The following INVS variants were observed in gnomAD, a reference collection of about 807,000 sequenced individuals.
INVS encodes inversion of embryo turning homolog.
In INVS, 86 loss-of-function variants were observed where a neutral mutation model predicts 108.8. That is an observed-to-expected ratio of 0.79 (90% CI 0.66 to 0.95). The LOEUF is 0.95. INVS is among the 40% of genes least tolerant of loss of function. The pLI is 0.00. For synonymous variants in INVS, 455 were observed against 473.5 expected, an observed-to-expected ratio of 0.96 and a Z score of 0.51; for missense variants, 1,169 against 1,297.4, an observed-to-expected ratio of 0.90 and a Z score of 1.52.
At chr9:100,289,051 G>T (rs1006752913) in intron 13 of INVS, among the ~76,000 whole-genome samples, 10 of 152,004 alleles carry the variant, frequency 6.6e-5, no homozygotes, top group African/African-American at 2.2e-4. Context: ...TCTAAATTTT[G>T]CTTACAAACG....
intron 3 of INVS, among the ~76,000 whole-genome samples, chr9:100,170,393 CAAAAAA>C (rs10585469): frequency 8.1e-6 from 1 of 122,776 alleles, no homozygotes; most frequent in Non-Finnish European, 1.8e-5. Flanking sequence ...CCTGTCTGTA[CAAAAAA>C]AAAAAAAAAA....
intron 10 of INVS, among the ~76,000 whole-genome samples, chr9:100,261,217 A>G (rs1832611857): frequency 6.6e-6 from 1 of 152,134 alleles, no homozygotes; most frequent in Admixed American, 6.5e-5. Context: ...AGTAACAAAG[A>G]AAAGTATGTA....
intron 2 of INVS, among the ~76,000 whole-genome samples, chr9:100,106,337 C>T (rs949842696): frequency 1.1e-4 from 16 of 152,170 alleles, no homozygotes; most frequent in Non-Finnish European, 1.8e-4. Flanking sequence ...TTTTCCCCCT[C>T]TGATTACTAT....
intron 10 of INVS, among the ~76,000 whole-genome samples, chr9:100,263,311 A>T (rs1832687240): frequency 6.6e-6 from 1 of 152,178 alleles, no homozygotes; most frequent in Non-Finnish European, 1.5e-5. Context: ...ACCATTCTAG[A>T]TGTCAGAAAT....
In INVS at chr9:100,292,510, T is replaced by G; in HGVS notation, c.2253T>G (p.Ala751=). ...AGCAGCCCTCCTGTATCAGGGTGGC[T>G]GGGCCTGATGAGAAAGGAGAGGACT... ...FVKQPSCIRV[A]GPDEKGEDSR... The change falls in exon 14 of 17, where the codon GCT becomes GCG. Residue 751 remains alanine (A), a synonymous_variant. Coordinates refer to ENST00000262457, the MANE Select transcript of INVS (RefSeq NM_014425.5). 6.2e-7 allele frequency: 1 copy of G among 1,614,132 alleles called. No homozygotes were observed. The highest frequency in any genetic ancestry group is 8.5e-7 in the Non-Finnish European group (1 of 1,180,024).
At chr9:100,293,099 A>G (rs1031650920) in intron 14 of INVS, 56 bp downstream of exon 14, 6 of 1,495,968 alleles carry the variant, frequency 4.0e-6, no homozygotes, top group Non-Finnish European at 5.6e-6. Context: ...TATTCTCAAC[A>G]TGACATCTGT....
chr9:100,185,516 AATATATATATAT>A (rs35603398), intron 3 of INVS, among the ~76,000 whole-genome samples: 4,648 of 110,814 alleles, frequency 0.042, 228 homozygotes, highest in African/African-American at 0.11. Context: ...TATGCATAGA[AATATATATATAT>A]ATATATATAT....
chr9:100,152,517 GTA>G (rs1828839051), intron 3 of INVS, among the ~76,000 whole-genome samples: 1 of 152,126 alleles, frequency 6.6e-6, no homozygotes, highest in Non-Finnish European at 1.5e-5. Context: ...TATGTCGTCA[GTA>G]TTAACTCAGC....
chr9:100,140,847 G>A (rs1322287820), intron 3 of INVS, among the ~76,000 whole-genome samples: 30 of 152,028 alleles, frequency 2.0e-4, no homozygotes, highest in Non-Finnish European at 4.4e-4. Flanking sequence ...GCCTAGATAC[G>A]GTTTTGTATG....
At position 100,188,254 on chromosome 9, in the gene INVS, C is replaced by G. The variant is rs76762166; in HGVS notation, c.274-37808C>G. Among the ~76,000 whole-genome samples, 136 of 152,182 alleles carry G rather than the reference C, an allele frequency of 8.9e-4. No individual in the cohort carries two copies. The East Asian group carries it at 0.016, about 18-fold the overall frequency. On this transcript the variant is annotated intron_variant, in intron 3 of 16. Coordinates refer to ENST00000262457, the MANE Select transcript of INVS (RefSeq NM_014425.5). Reference sequence around the variant, plus strand: ...GAAAGTGGGCATCCTTGTCTTGTTCCGGTTCTTCCAGGGAATGCTTTCTAA... The same window carrying G: ...GAAAGTGGGCATCCTTGTCTTGTTCGGGTTCTTCCAGGGAATGCTTTCTAA...
chr9:100,258,983 G>A (rs1832519376), intron 10 of INVS, among the ~76,000 whole-genome samples: 1 of 152,198 alleles, frequency 6.6e-6, no homozygotes. Context: ...AGTTTCTGCT[G>A]CCTTTTGTTC....
intron 3 of INVS, among the ~76,000 whole-genome samples, chr9:100,146,502 C>G (rs1235818268): frequency 1.3e-5 from 2 of 152,178 alleles, no homozygotes; most frequent in African/African-American, 4.8e-5. Flanking sequence ...GATGGCTTAG[C>G]TTGGGCTCAG....
At chr9:100,263,935 G>A (rs1469995629) in intron 10 of INVS, among the ~76,000 whole-genome samples, 2 of 152,028 alleles carry the variant, frequency 1.3e-5, no homozygotes, top group Non-Finnish European at 2.9e-5. Flanking sequence ...TCTATCAGTT[G>A]TTTTTAAAAG....
Position 100,292,781 on chromosome 9 carries a change from G to A in INVS, c.2524G>A (p.Gly842Arg). The change falls in exon 14 of 17, where the codon GGA (glycine) becomes AGA (arginine). Residue 842 changes from glycine to arginine, a missense_variant. By Grantham distance (125) the Gly-to-Arg change is moderately radical (BLOSUM62 -2). Around this residue, in one of 3 missense-constraint regions of INVS, gnomAD observed 533 missense variants for 536.0 expected, o/e 0.99. Transcript: ENST00000262457. ...RNKVTQAKLTGGLYSHLPQST... is the reference protein window; with the variant it reads ...RNKVTQAKLTRGLYSHLPQST... The stretch of plus-strand genomic sequence containing the variant: ...CAAAGTGACACAAGCCAAGCTCACA[G>A]GAGGGCTCTATTCACATTTGCCACA... The A allele has an allele frequency of 6.2e-7, 1 of 1,614,166 alleles. No homozygotes were observed. Among genetic ancestry groups the A allele is most frequent in the Non-Finnish European group, 8.5e-7 (1 of 1,180,024 alleles).
chr9:100,186,444 C>T (rs886371626), intron 3 of INVS, among the ~76,000 whole-genome samples: 3 of 152,026 alleles, frequency 2.0e-5, no homozygotes, highest in Non-Finnish European at 2.9e-5. Flanking sequence ...AATGACCAAC[C>T]GAGCCCAGCC....
chr9:100,186,201 G>A (rs2118120451), intron 3 of INVS, among the ~76,000 whole-genome samples: 1 of 152,108 alleles, frequency 6.6e-6, no homozygotes, highest in East Asian at 1.9e-4. Context: ...CCAGGCTGGA[G>A]TGCAGTAGCG....
At chr9:100,290,339 T>A (rs1452189033) in intron 13 of INVS, among the ~76,000 whole-genome samples, 1 of 152,212 alleles carries the variant, frequency 6.6e-6, no homozygotes, top group Non-Finnish European at 1.5e-5. Flanking sequence ...ATAGGTATAT[T>A]TTCTTATATC....
chr9:100,277,606 C>T (rs935866115), intron 12 of INVS, among the ~76,000 whole-genome samples: 29 of 152,294 alleles, frequency 1.9e-4, no homozygotes, highest in African/African-American at 7.0e-4. Flanking sequence ...TTATCACATT[C>T]TCCAAAGGGG....
Position 100,208,191 on chromosome 9 carries a change from T to C in INVS, c.274-17871T>C, listed in dbSNP as rs1038320690. 9.2e-5 allele frequency among the ~76,000 whole-genome samples: 14 copies of C among 152,204 alleles called. 1 individual carries two copies. The highest frequency in any genetic ancestry group is 4.1e-4 in the South Asian group (2 of 4,830). ...TGAAGAGCAGTATAGAGTTCAGGGATTGACTTGCAGATGGAGGTATGTTTT... is the reference window on the plus strand; with the variant it reads ...TGAAGAGCAGTATAGAGTTCAGGGACTGACTTGCAGATGGAGGTATGTTTT... On this transcript the variant is annotated intron_variant, in intron 3 of 16. Transcript: ENST00000262457.
Sources: gnomAD v4.1 joint callset for allele counts (sites outside exome capture counted in the v4.1 genomes callset) on GRCh38, gnomAD v4.1.1 for gene constraint, gnomAD v4.1.1 regional missense constraint, MANE v1.5 for transcripts, NCBI Gene and HGNC (gene_info 2026-07-23, HGNC 2026-07-21) for gene names.